Variants in FHIT observed in about 807,000 individuals in gnomAD.
FHIT encodes fragile histidine triad diadenosine triphosphatase.
In FHIT, 19 loss-of-function variants were observed where a neutral mutation model predicts 17.9. The ratio of observed to expected loss-of-function variants is 1.06; its 90% CI spans 0.74 to 1.56. FHIT has a LOEUF of 1.56. Ranked by LOEUF, FHIT falls within the 40% of genes most tolerant of loss-of-function variation. FHIT has a pLI of 0.00. For missense variants in FHIT, 248 were observed against 189.2 expected, an observed-to-expected ratio of 1.31 and a Z score of -1.82; for synonymous variants, 81 against 69.7, an observed-to-expected ratio of 1.16 and a Z score of -0.81.
Position 60,728,704 on chromosome 3 carries a change from TACAC to T in FHIT, c.-18+93211_-18+93214del, listed in dbSNP as rs56012549. Among the ~76,000 whole-genome samples the T allele has an allele frequency of 3.1e-3, 458 of 147,344 alleles. 2 individuals are homozygous for T. Among genetic ancestry groups the T allele is most frequent in the African/African-American group, 8.6e-3 (348 of 40,236 alleles). ...ATTTTGAAGTGTTTTCACACACACATACACACACACACACACACACACACACAAT... is the reference window on the plus strand; with the variant it reads ...ATTTTGAAGTGTTTTCACACACACATACACACACACACACACACACACAAT... On this transcript the variant is annotated intron_variant, in intron 4 of 9. Transcript: ENST00000492590.
At chr3:60,489,984 A>G (rs902526359) in intron 5 of FHIT, among the ~76,000 whole-genome samples, 1 of 152,182 alleles carries the variant, frequency 6.6e-6, no homozygotes, top group Non-Finnish European at 1.5e-5. Context: ...GCAGGAAATC[A>G]TCCTTACAGC....
At chr3:60,921,020 C>A (rs1254446789) in intron 3 of FHIT, among the ~76,000 whole-genome samples, 5 of 152,182 alleles carry the variant, frequency 3.3e-5, no homozygotes, top group Non-Finnish European at 7.3e-5. Flanking sequence ...GTAACTCACT[C>A]ATTCCGTAAG....
Position 60,150,797 on chromosome 3 carries a change from T to C in FHIT, c.104-136645A>G, listed in dbSNP as rs768599936. On this transcript the variant is annotated intron_variant, in intron 5 of 9. Transcript: ENST00000492590. ...AGCCAAGCATGGTGGCGCATGCCTG[T>C]AGTCCCAGCTACTTGGGAGGCTGAG... Among the ~76,000 whole-genome samples, 92 of 152,130 alleles carry C rather than the reference T, an allele frequency of 6.0e-4. 1 individual carries two copies. The highest frequency in any genetic ancestry group is 1.1e-3 in the Non-Finnish European group (77 of 67,996).
intron 5 of FHIT, among the ~76,000 whole-genome samples, chr3:60,436,413 A>C (rs1168965814): frequency 6.6e-6 from 1 of 152,062 alleles, no homozygotes; most frequent in Non-Finnish European, 1.5e-5. Flanking sequence ...ACTTTTATTC[A>C]ACAATTTTTC....
chr3:60,426,953 C>G (rs369200408), intron 5 of FHIT, among the ~76,000 whole-genome samples: 2 of 152,158 alleles, frequency 1.3e-5, no homozygotes, highest in African/African-American at 4.8e-5. Context: ...ACGGAGTACA[C>G]TTCTGTGACT....
At chr3:60,448,317 G>C (rs1477194157) in intron 5 of FHIT, among the ~76,000 whole-genome samples, 1 of 152,112 alleles carries the variant, frequency 6.6e-6, no homozygotes, top group Non-Finnish European at 1.5e-5. Context: ...CAAGTGTTAA[G>C]ATGGAGTCAA....
chr3:60,060,995 G>A (rs1002362103), intron 5 of FHIT, among the ~76,000 whole-genome samples: 1 of 152,200 alleles, frequency 6.6e-6, no homozygotes, highest in African/African-American at 2.4e-5. Context: ...GAAGGACTTT[G>A]TTTATAGTGG....
intron 3 of FHIT, among the ~76,000 whole-genome samples, chr3:60,873,379 T>A (rs1298687616): frequency 6.6e-6 from 1 of 152,184 alleles, no homozygotes; most frequent in Non-Finnish European, 1.5e-5. Context: ...CAGGAAAATA[T>A]TTAGTAGCAG....
chr3:61,208,215 G>C (rs1177710618), intron 1 of FHIT, among the ~76,000 whole-genome samples: 2 of 151,976 alleles, frequency 1.3e-5, no homozygotes, highest in Admixed American at 6.5e-5. Flanking sequence ...TACATTTGCT[G>C]AGGAGTGCTT....
At chr3:60,188,034 C>A (rs1576277104) in intron 5 of FHIT, among the ~76,000 whole-genome samples, 1 of 152,008 alleles carries the variant, frequency 6.6e-6, no homozygotes, top group Non-Finnish European at 1.5e-5. Flanking sequence ...AAATGATGCA[C>A]CTGTATTACA....
intron 7 of FHIT, among the ~76,000 whole-genome samples, chr3:59,958,510 G>T (rs77578330): frequency 0.011 from 1,634 of 152,224 alleles, 26 homozygotes; most frequent in African/African-American, 0.037. Flanking sequence ...ATAATGAAGT[G>T]CTATAATTAG....
chr3:60,084,623 C>T (rs1559618248), intron 5 of FHIT, among the ~76,000 whole-genome samples: 1 of 152,088 alleles, frequency 6.6e-6, no homozygotes, highest in East Asian at 1.9e-4. Context: ...AAAATCTATG[C>T]CAGGGAATAT....
intron 3 of FHIT, among the ~76,000 whole-genome samples, chr3:60,939,494 C>T (rs1708322714): frequency 6.6e-6 from 1 of 152,122 alleles, no homozygotes; most frequent in Admixed American, 6.5e-5. Flanking sequence ...ATCCATTCAA[C>T]AATAGGACAC....
chr3:60,321,204 G>A (rs1236169599), intron 5 of FHIT, among the ~76,000 whole-genome samples: 1 of 152,164 alleles, frequency 6.6e-6, no homozygotes, highest in African/African-American at 2.4e-5. Flanking sequence ...AGCAGGCCAG[G>A]TACAGTGGCT....
chr3:60,972,340 T>A (rs1710060827), intron 3 of FHIT, among the ~76,000 whole-genome samples: 1 of 152,158 alleles, frequency 6.6e-6, no homozygotes, highest in Admixed American at 6.5e-5. Flanking sequence ...GTTCGGTAGG[T>A]ATAAAATTCT....
intron 8 of FHIT, among the ~76,000 whole-genome samples, chr3:59,903,799 G>A (rs1028750280): frequency 6.6e-6 from 1 of 152,182 alleles, no homozygotes; most frequent in African/African-American, 2.4e-5. Context: ...ATTCGATTAA[G>A]CAAATGGCTC....
chr3:60,422,490 T>TTTCTTGTTCTTTA (rs1702513950), intron 5 of FHIT, among the ~76,000 whole-genome samples: 1 of 152,152 alleles, frequency 6.6e-6, no homozygotes. Context: ...CTAAAAAGAA[T>TTTCTTGTTCTTTA]CAATATTTTC....
intron 4 of FHIT, among the ~76,000 whole-genome samples, chr3:60,762,885 C>T (rs1378320462): frequency 6.6e-6 from 1 of 152,096 alleles, no homozygotes; most frequent in Non-Finnish European, 1.5e-5. Context: ...ATTGTGTTGG[C>T]CTAACCTGCA....
chr3:60,932,829 G>GGTA (rs1553772152), intron 3 of FHIT, among the ~76,000 whole-genome samples: 1 of 152,038 alleles, frequency 6.6e-6, no homozygotes, highest in Non-Finnish European at 1.5e-5. Context: ...CCTAGCAGTT[G>GGTA]GTACCTCCTC....
Sources: allele counts gnomAD v4.1 joint callset (sites outside exome capture counted in the v4.1 genomes callset), GRCh38; gene constraint gnomAD v4.1.1; transcripts MANE v1.5; gene names NCBI Gene and HGNC (gene_info 2026-07-23, HGNC 2026-07-21).